Variants in CD38 observed in about 807,000 individuals in gnomAD.
The protein encoded by CD38 is ADP-ribosyl cyclase/cyclic ADP-ribose hydrolase 1.
CD38 carries 31 observed loss-of-function variants against 36.3 expected under a neutral mutation model. The observed-to-expected ratio is 0.85, with a 90% CI of 0.64 to 1.15. The LOEUF (loss-of-function observed/expected upper bound fraction) is 1.15. Among genes scored for constraint, CD38 ranks in the 50% most tolerant of loss-of-function variants. The pLI is 0.00. For synonymous variants in CD38, 131 were observed against 135.2 expected, an observed-to-expected ratio of 0.97 and a Z score of 0.22; for missense variants, 380 against 371.9, an observed-to-expected ratio of 1.02 and a Z score of -0.18.
chr4:15,834,757 C>T (rs192401840), intron 4 of CD38, among the ~76,000 whole-genome samples: 12 of 152,158 alleles, frequency 7.9e-5, no homozygotes, highest in Admixed American at 1.3e-4. Context: ...TAACACATAA[C>T]GTGAAGGTAC....
chr4:15,817,981 G>A (rs1409577492), intron 2 of CD38, among the ~76,000 whole-genome samples: 3 of 152,086 alleles, frequency 2.0e-5, no homozygotes, highest in African/African-American at 7.2e-5. Context: ...CCCCAGTGGC[G>A]CCTGAAACCC....
chr4:15,803,068 T>C (rs1723263884), intron 1 of CD38, among the ~76,000 whole-genome samples: 1 of 152,154 alleles, frequency 6.6e-6, no homozygotes, highest in Admixed American at 6.5e-5. Flanking sequence ...TCAATAAATA[T>C]TGCTGGGGAA....
At chr4:15,801,378 A>G (rs1723220527) in intron 1 of CD38, among the ~76,000 whole-genome samples, 1 of 152,112 alleles carries the variant, frequency 6.6e-6, no homozygotes, top group African/African-American at 2.4e-5. Flanking sequence ...AAAAATAACT[A>G]CCAATTCTTC....
At chr4:15,826,439 TG>T (rs1303620140) in intron 3 of CD38, among the ~76,000 whole-genome samples, 2 of 148,460 alleles carry the variant, frequency 1.3e-5, no homozygotes, top group African/African-American at 5.1e-5. Context: ...ATGTCATTAT[TG>T]TAAGAAACAC....
chr4:15,787,412 G>C (rs1410452280), intron 1 of CD38, among the ~76,000 whole-genome samples: 1 of 152,198 alleles, frequency 6.6e-6, no homozygotes, highest in Non-Finnish European at 1.5e-5. Context: ...CTTTCTTCCA[G>C]GGTCTCTTCC....
Position 15,848,832 on chromosome 4 carries a change from A to G in CD38, c.*230A>G. On this transcript the variant is annotated 3_prime_UTR_variant, in exon 8 of 8. Transcript: ENST00000226279. ...AGAAAAATTATTGTATAAGATTAGA[A>G]TGAAAATTGTATGTTAAGTTACTTC... 2.6e-6 allele frequency: 1 copy of G among 378,926 alleles called. No individual in the cohort carries two copies. The highest frequency in any genetic ancestry group is 4.7e-6 in the Non-Finnish European group (1 of 211,004). 23.5% of individuals were successfully genotyped at this position (378,926 alleles called of 1,614,324 possible). A position where few individuals can be genotyped will look rare whatever the true frequency, so the allele number is the denominator to read the frequency against.
chr4:15,804,509 T>TA (rs1723300685), intron 1 of CD38, among the ~76,000 whole-genome samples: 1 of 152,158 alleles, frequency 6.6e-6, no homozygotes, highest in East Asian at 1.9e-4. Context: ...ATAATGAAGA[T>TA]ATGGAATCCA....
intron 1 of CD38, among the ~76,000 whole-genome samples, chr4:15,787,693 G>C (rs1033430739): frequency 6.6e-6 from 1 of 152,212 alleles, no homozygotes; most frequent in Non-Finnish European, 1.5e-5. Flanking sequence ...TGCCGGGTCT[G>C]CCCTGCAGAC....
chr4:15,807,218 T>C (rs1723361652), intron 1 of CD38, among the ~76,000 whole-genome samples: 1 of 152,144 alleles, frequency 6.6e-6, no homozygotes, highest in Non-Finnish European at 1.5e-5. Context: ...GACTGGCTTT[T>C]CCTGGATGCT....
chr4:15,814,082 C>T (rs1435739611), intron 1 of CD38, among the ~76,000 whole-genome samples: 1 of 152,186 alleles, frequency 6.6e-6, no homozygotes, highest in Admixed American at 6.5e-5. Context: ...AAAAGCATTC[C>T]TATTTCTCCA....
chr4:15,841,401 G>A (rs1216555747), intron 7 of CD38, among the ~76,000 whole-genome samples: 1 of 152,184 alleles, frequency 6.6e-6, no homozygotes, highest in Admixed American at 6.5e-5. Flanking sequence ...TCTACTGATG[G>A]CTTTTGTTTC....
At chr4:15,800,707 T>TA (rs1370046939) in intron 1 of CD38, among the ~76,000 whole-genome samples, 1 of 151,600 alleles carries the variant, frequency 6.6e-6, no homozygotes, top group Non-Finnish European at 1.5e-5. Flanking sequence ...TTAAGAAAAA[T>TA]AAAAAAACTT....
At chr4:15,847,589 C>A (rs1724288380) in intron 7 of CD38, among the ~76,000 whole-genome samples, 1 of 58,788 alleles carries the variant, frequency 1.7e-5, no homozygotes, top group African/African-American at 8.9e-5. Context: ...AAACAACTCT[C>A]AGAAGCAAAA....
At chr4:15,833,755 G>C (rs1415559332) in intron 3 of CD38, among the ~76,000 whole-genome samples, 1 of 152,240 alleles carries the variant, frequency 6.6e-6, no homozygotes, top group East Asian at 1.9e-4. Context: ...AGACTGCCTT[G>C]ATGAGGGCAA....
intron 1 of CD38, among the ~76,000 whole-genome samples, chr4:15,798,741 C>T (rs781540992): frequency 3.9e-5 from 6 of 152,142 alleles, no homozygotes; most frequent in African/African-American, 7.2e-5. Context: ...CGTCATCATT[C>T]GGAATTCTCA....
chr4:15,850,997 A>G lies in CD38; in HGVS notation c.*2395A>G, dbSNP rs1231121991. On this transcript the variant is annotated 3_prime_UTR_variant, in exon 8 of 8. Coordinates refer to ENST00000226279, the MANE Select transcript of CD38 (RefSeq NM_001775.4). ...CCCCTTCCAAACAAGAAATCAAAAT[A>G]TTAGAAATCAATTTTTGAAATTTCC... 1 of 152,190 alleles carries G rather than the reference A, an allele frequency of 6.6e-6. No individual in the cohort carries two copies. The highest frequency in any genetic ancestry group is 2.4e-5 in the African/African-American group (1 of 41,428). 9.4% of individuals were successfully genotyped at this position (152,190 alleles called of 1,614,324 possible).
At chr4:15,842,288 C>G (rs928937153) in intron 7 of CD38, among the ~76,000 whole-genome samples, 8 of 137,282 alleles carry the variant, frequency 5.8e-5, no homozygotes, top group Non-Finnish European at 1.1e-4. Context: ...AGGCACCCCC[C>G]AGCAGGGGCA....
intron 3 of CD38, among the ~76,000 whole-genome samples, chr4:15,829,002 A>T (rs1330558127): frequency 6.6e-6 from 1 of 152,002 alleles, no homozygotes; most frequent in African/African-American, 2.4e-5. Context: ...CATCTTTTTG[A>T]TTATACCCTT....
At chr4:15,790,747 C>T (rs1414037786) in intron 1 of CD38, among the ~76,000 whole-genome samples, 2 of 151,546 alleles carry the variant, frequency 1.3e-5, no homozygotes, top group African/African-American at 4.9e-5. Context: ...CTCTTCCCCG[C>T]CGCCATCCCA....
Sources: allele counts gnomAD v4.1 joint callset (sites outside exome capture counted in the v4.1 genomes callset), GRCh38; gene constraint gnomAD v4.1.1; transcripts MANE v1.5; gene names NCBI Gene and HGNC (gene_info 2026-07-23, HGNC 2026-07-21).